The following ACSM3 variants were observed in gnomAD, a reference collection of about 807,000 sequenced individuals.
The protein encoded by ACSM3 is acyl-coenzyme A synthetase ACSM3, mitochondrial.
A neutral mutation model predicts 74.1 loss-of-function variants in ACSM3; 61 were observed. That is an observed-to-expected ratio of 0.82 (90% CI 0.67 to 1.02). The LOEUF is 1.02. Among genes scored for constraint, ACSM3 ranks in the 50% least tolerant of loss-of-function variants. The pLI, the probability that ACSM3 is intolerant of heterozygous loss-of-function variation, is 0.00. For synonymous variants in ACSM3, 213 were observed against 241.5 expected, an observed-to-expected ratio of 0.88 and a Z score of 1.09; for missense variants, 660 against 697.0, an observed-to-expected ratio of 0.95 and a Z score of 0.60.
At chr16:20,730,290 A>C (rs1255670516) in intron 1 of ACSM3, among the ~76,000 whole-genome samples, 1 of 152,222 alleles carries the variant, frequency 6.6e-6, no homozygotes, top group Non-Finnish European at 1.5e-5. Context: ...ACTGTCATGG[A>C]ACTCAGAATA....
At chr16:20,706,083 AGTGTGT>A (rs59605164) in intron 1 of ACSM3, among the ~76,000 whole-genome samples, 2 of 149,672 alleles carry the variant, frequency 1.3e-5, no homozygotes, top group Non-Finnish European at 3.0e-5. Flanking sequence ...ATCGTGGAAC[AGTGTGT>A]GTGTGTGTGT....
At chr16:20,787,611 TGA>T (rs1273378997) in intron 9 of ACSM3, among the ~76,000 whole-genome samples, 1 of 152,246 alleles carries the variant, frequency 6.6e-6, no homozygotes, top group African/African-American at 2.4e-5. Flanking sequence ...CAAATAAGTT[TGA>T]GAGAGTTTAG....
At chr16:20,789,610 A>G in intron 9 of ACSM3, 1 of 1,245,358 alleles carries the variant, frequency 8.0e-7, no homozygotes. Flanking sequence ...CAAGAGGAAA[A>G]GATAATCAAG....
chr16:20,675,831 C>T (rs1157702283), intron 1 of ACSM3, among the ~76,000 whole-genome samples: 2 of 152,154 alleles, frequency 1.3e-5, no homozygotes, highest in Non-Finnish European at 2.9e-5. Flanking sequence ...GTAGAACGTT[C>T]ACAGCTCACA....
chr16:20,733,339 T>C (rs2079842628), intron 1 of ACSM3, among the ~76,000 whole-genome samples: 1 of 152,130 alleles, frequency 6.6e-6, no homozygotes, highest in Non-Finnish European at 1.5e-5. Context: ...CAATTTCTTC[T>C]ACTTAACAAC....
intron 1 of ACSM3, among the ~76,000 whole-genome samples, chr16:20,716,475 G>A (rs1053762089): frequency 3.9e-5 from 6 of 152,154 alleles, no homozygotes; most frequent in Admixed American, 2.6e-4. Context: ...CCAGGGTTCA[G>A]GGCATAAAAC....
chr16:20,697,178 T>A (rs955776924), intron 1 of ACSM3, among the ~76,000 whole-genome samples: 1 of 152,152 alleles, frequency 6.6e-6, no homozygotes, highest in Non-Finnish European at 1.5e-5. Flanking sequence ...GCTACAGTCA[T>A]CCTCCTGCCT....
chr16:20,689,743 C>G (rs914257813), intron 1 of ACSM3, among the ~76,000 whole-genome samples: 6 of 152,108 alleles, frequency 3.9e-5, no homozygotes, highest in Non-Finnish European at 8.8e-5. Context: ...CCTCTCCAAC[C>G]CATCTTGTTT....
In ACSM3 at chr16:20,785,175, CACAG is replaced by C; in HGVS notation, c.1143+69_1143+72del. 2.5e-6 allele frequency: 4 copies of C among 1,584,202 alleles called. No individual in the cohort carries two copies. The South Asian group carries it at 4.5e-5, about 18-fold the overall frequency. ...TCAGATGAATAAAAACCAAAGTGTC[CACAG>C]TCTCCTTATGATTATTTGAGGGATA... On this transcript the variant is annotated intron_variant, in intron 8 of 13. Coordinates refer to ENST00000289416, the MANE Select transcript of ACSM3 (RefSeq NM_005622.4).
At chr16:20,717,459 T>C (rs1362163513) in intron 1 of ACSM3, among the ~76,000 whole-genome samples, 1 of 152,222 alleles carries the variant, frequency 6.6e-6, no homozygotes, top group Admixed American at 6.5e-5. Flanking sequence ...AAGCAACTCA[T>C]TCTGTCTGCT....
At chr16:20,731,929 C>A (rs1034588199) in intron 1 of ACSM3, among the ~76,000 whole-genome samples, 1 of 152,132 alleles carries the variant, frequency 6.6e-6, no homozygotes, top group Non-Finnish European at 1.5e-5. Context: ...AGCCTTTAAT[C>A]AACTCTGCAA....
At chr16:20,787,172 A>G (rs770901736) in intron 9 of ACSM3, among the ~76,000 whole-genome samples, 1 of 152,236 alleles carries the variant, frequency 6.6e-6, no homozygotes, top group Non-Finnish European at 1.5e-5. Flanking sequence ...TCAACTTATG[A>G]TAGGGTTATG....
chr16:20,740,518 A>G (rs377757591), intron 1 of ACSM3, among the ~76,000 whole-genome samples: 257 of 152,390 alleles, frequency 1.7e-3, no homozygotes, highest in African/African-American at 5.8e-3. Context: ...GTATACATTT[A>G]CAGAAACTTT....
chr16:20,796,492 A>G lies in ACSM3; in HGVS notation c.1674+3A>G. 1.2e-6 allele frequency: 2 copies of G among 1,610,948 alleles called. No homozygotes were observed. The highest frequency in any genetic ancestry group is 1.1e-5 in the South Asian group (1 of 90,346). On this transcript the variant is annotated splice_donor_region_variant and intron_variant, in intron 13 of 13. Transcript: ENST00000289416. ...CACCTTACAAATATCCCAGAAAGGT[A>G]GGCATCCTAATTATAACGAATATTT...
intron 2 of ACSM3, among the ~76,000 whole-genome samples, chr16:20,751,234 A>G (rs970162189): frequency 6.6e-6 from 1 of 152,126 alleles, no homozygotes; most frequent in African/African-American, 2.4e-5. Context: ...ACACCATGAA[A>G]AACCTCTTCC....
intron 1 of ACSM3, among the ~76,000 whole-genome samples, chr16:20,709,311 T>C (rs1259494226): frequency 6.6e-6 from 1 of 152,178 alleles, no homozygotes; most frequent in African/African-American, 2.4e-5. Context: ...TATAAAATGA[T>C]AATGAAAAAT....
At chr16:20,677,226 TAA>T (rs34392148) in intron 1 of ACSM3, among the ~76,000 whole-genome samples, 5 of 130,016 alleles carry the variant, frequency 3.8e-5, no homozygotes, top group African/African-American at 5.7e-5. Flanking sequence ...TTAAAGAAAT[TAA>T]AAAAAAAAAA....
chr16:20,685,750 G>A (rs1676737396), intron 1 of ACSM3, among the ~76,000 whole-genome samples: 1 of 148,042 alleles, frequency 6.8e-6, no homozygotes, highest in Admixed American at 6.9e-5. Context: ...AACCCAGGAG[G>A]CAGAGGTTGC....
intron 1 of ACSM3, among the ~76,000 whole-genome samples, chr16:20,731,398 T>C (rs1469157753): frequency 6.6e-6 from 1 of 152,218 alleles, no homozygotes; most frequent in Non-Finnish European, 1.5e-5. Flanking sequence ...AGAACTTAGC[T>C]TTCTTGAACC....
Sources: gnomAD v4.1 joint callset for allele counts (sites outside exome capture counted in the v4.1 genomes callset) on GRCh38, gnomAD v4.1.1 for gene constraint, MANE v1.5 for transcripts, NCBI Gene and HGNC (gene_info 2026-07-23, HGNC 2026-07-21) for gene names.